SAP30BP: variants seen among roughly 807,000 people sequenced by gnomAD.
SAP30BP encodes the protein SAP30-binding protein.
Under a neutral mutation model 46.3 loss-of-function variants are expected in SAP30BP, and 31 were observed. That is an observed-to-expected ratio of 0.67 (90% CI 0.50 to 0.90). The LOEUF (loss-of-function observed/expected upper bound fraction) is 0.90. Among genes scored for constraint, SAP30BP ranks in the 40% least tolerant of loss-of-function variants. The pLI is 0.00. For synonymous variants in SAP30BP, 169 were observed against 144.2 expected (o/e 1.17, Z -1.23); for missense variants, 312 against 391.0 (o/e 0.80, Z 1.70).
chr17:75,684,211 C>T (rs752244071), intron 3 of SAP30BP, among the ~76,000 whole-genome samples: 4 of 152,164 alleles, frequency 2.6e-5, no homozygotes, highest in African/African-American at 4.8e-5. Flanking sequence ...TGTGTTTTAC[C>T]TCAGTTTACT....
At chr17:75,682,854 TCA>T (rs2060101791) in intron 3 of SAP30BP, among the ~76,000 whole-genome samples, 2 of 149,968 alleles carry the variant, frequency 1.3e-5, no homozygotes, top group African/African-American at 2.4e-5. Flanking sequence ...TCCCAGCTAC[TCA>T]GGAGGCTGAG....
intron 4 of SAP30BP, among the ~76,000 whole-genome samples, chr17:75,695,766 C>G (rs180774511): frequency 6.6e-6 from 1 of 152,146 alleles, no homozygotes; most frequent in African/African-American, 2.4e-5. Flanking sequence ...AGAGAACAAG[C>G]AGGAGAGCAG....
At chr17:75,692,546 A>G in intron 3 of SAP30BP, 1 of 980,936 alleles carries the variant, frequency 1.0e-6, no homozygotes, top group Non-Finnish European at 1.2e-6. Context: ...TTGCCATTTT[A>G]CACTTGAGAC....
intron 3 of SAP30BP, among the ~76,000 whole-genome samples, chr17:75,672,762 G>T (rs1287989013): frequency 6.6e-6 from 1 of 152,068 alleles, no homozygotes; most frequent in Admixed American, 6.6e-5. Context: ...TTCAAGACCA[G>T]CCTGGCCAGT....
chr17:75,667,540 C>T (rs2059810684), intron 1 of SAP30BP, 62 bp downstream of exon 1: 27 of 1,484,776 alleles, frequency 1.8e-5, no homozygotes, highest in Middle Eastern at 1.7e-4. Flanking sequence ...GCTGTACCCT[C>T]GCTGGGCGGG....
chr17:75,702,449 ACC>A, intron 5 of SAP30BP, 29 bp from the exon 6 acceptor site: 1 of 1,033,560 alleles, frequency 9.7e-7, no homozygotes, highest in Non-Finnish European at 1.5e-6. Context: ...TCTGTCATAC[ACC>A]CCCCCACCCC....
Position 75,706,000 on chromosome 17 carries a change from C to A in SAP30BP, c.661-8C>A. The A allele has an allele frequency of 6.2e-7, 1 of 1,612,874 alleles. No homozygotes were observed. The highest frequency in any genetic ancestry group is 8.5e-7 in the Non-Finnish European group (1 of 1,179,966). ...CCTGGTCTTATTCTCTTCCCTCTCC[C>A]TCTCCAGATTGAGTTTGTGACGGGC... is the stretch of plus-strand genomic sequence containing the variant. On this transcript the variant is annotated splice_region_variant and splice_polypyrimidine_tract_variant and intron_variant, in intron 9 of 10. Coordinates refer to ENST00000584667, the MANE Select transcript of SAP30BP (RefSeq NM_013260.8).
chr17:75,700,875 G>A (rs1196229845), intron 5 of SAP30BP, among the ~76,000 whole-genome samples: 1 of 152,234 alleles, frequency 6.6e-6, no homozygotes, highest in Non-Finnish European at 1.5e-5. Context: ...CCTCCTGATG[G>A]TGGAAACCAT....
intron 3 of SAP30BP, among the ~76,000 whole-genome samples, chr17:75,685,739 A>G (rs1156487153): frequency 6.6e-6 from 1 of 151,984 alleles, no homozygotes; most frequent in Non-Finnish European, 1.5e-5. Context: ...AAGCACAGAG[A>G]TACTGTTCTT....
intron 3 of SAP30BP, among the ~76,000 whole-genome samples, chr17:75,673,630 C>T (rs958969167): frequency 6.6e-6 from 1 of 152,126 alleles, no homozygotes; most frequent in African/African-American, 2.4e-5. Flanking sequence ...ACGGTCACCC[C>T]TTCTAAAATA....
At chr17:75,689,258 A>G (rs2060208028) in intron 3 of SAP30BP, among the ~76,000 whole-genome samples, 1 of 150,708 alleles carries the variant, frequency 6.6e-6, no homozygotes, top group Non-Finnish European at 1.5e-5. Flanking sequence ...CTGGGATTAC[A>G]GGCATGCACC....
chr17:75,678,492 A>ACG (rs2001804026), intron 3 of SAP30BP, among the ~76,000 whole-genome samples: 1 of 151,630 alleles, frequency 6.6e-6, no homozygotes, highest in Non-Finnish European at 1.5e-5. Flanking sequence ...ACACACACAC[A>ACG]CAATTGGAGG....
In SAP30BP at chr17:75,706,256, A is replaced by G; in HGVS notation, c.746-84A>G. ...TGGGCCACTTCGGGGTCTGCTCCCTAGACTCCCGCTGGCCTGCAGGGGGAA... is the reference window on the plus strand; with the variant it reads ...TGGGCCACTTCGGGGTCTGCTCCCTGGACTCCCGCTGGCCTGCAGGGGGAA... On this transcript the variant is annotated intron_variant, in intron 10 of 10. Transcript: ENST00000584667. The surrounding 1 kb of genome is among the most constrained non-coding windows in gnomAD (Gnocchi z 4.6). 6.4e-7 allele frequency: 1 copy of G among 1,550,844 alleles called. No homozygotes were observed.
intron 4 of SAP30BP, among the ~76,000 whole-genome samples, chr17:75,698,393 G>C (rs964347729): frequency 6.6e-6 from 1 of 152,250 alleles, no homozygotes; most frequent in African/African-American, 2.4e-5. Flanking sequence ...CCAAAACTTA[G>C]GGAACCCTGA....
intron 5 of SAP30BP, 65 bp from the exon 6 acceptor site, chr17:75,702,415 G>T: frequency 1.5e-6 from 1 of 675,518 alleles, no homozygotes; most frequent in South Asian, 1.8e-5. Context: ...GTGACCAGGG[G>T]CTGGGACGGT....
chr17:75,706,405 A>G lies in SAP30BP; in HGVS notation c.811A>G (p.Ile271Val). The G allele has an allele frequency of 6.2e-7, 1 of 1,614,112 alleles. No homozygotes were observed. Among genetic ancestry groups the G allele is most frequent in the Non-Finnish European group, 8.5e-7 (1 of 1,180,012 alleles). ...IPVTTIAQPT[I>V]LTTTATLPAV... ...AGTGACAACGATAGCCCAGCCCACC[A>G]TCCTCACCACCACAGCCACCCTGCC... Residue 271 changes from isoleucine to valine, a missense_variant, in exon 11 of 11, where the codon ATC becomes GTC. Transcript: ENST00000584667. This position sits in a 1 kb window ranked among gnomAD's most constrained non-coding sequence, Gnocchi z 4.6.
intron 3 of SAP30BP, chr17:75,692,281 G>A (rs756796963): frequency 4.1e-5 from 40 of 985,488 alleles, no homozygotes; most frequent in Middle Eastern, 5.2e-4. Context: ...GAGCCGTGGC[G>A]TGGTGTGCCA....
rs2060380500 is a variant in SAP30BP, at chr17:75,699,846, CT to C, written c.372del (p.Gly125AlafsTer19). ...GAAATCAAGATCCCGCCAGAACCCC[CT>C]GGCAGATGTTCAAATCACTTGCAAG... is the stretch of plus-strand genomic sequence containing the variant. ...PDEIKIPPEP[P>X]GRCSNHLQDK... On this transcript the variant is annotated frameshift_variant, in exon 5 of 11. Coordinates refer to ENST00000584667, the MANE Select transcript of SAP30BP (RefSeq NM_013260.8). LOFTEE classifies it high-confidence loss of function. 2 of 1,613,154 alleles carry C rather than the reference CT, an allele frequency of 1.2e-6. No individual in the cohort carries two copies. Among genetic ancestry groups the C allele is most frequent in the South Asian group, 1.1e-5 (1 of 91,028 alleles).
intron 4 of SAP30BP, among the ~76,000 whole-genome samples, 192 bp downstream of exon 4, chr17:75,693,674 G>A (rs1011697586): frequency 6.6e-6 from 1 of 152,166 alleles, no homozygotes; most frequent in Non-Finnish European, 1.5e-5. Context: ...GTTCTTCTTT[G>A]GAAATCATAT....
Sources: allele counts gnomAD v4.1 joint callset (sites outside exome capture counted in the v4.1 genomes callset), GRCh38; gene constraint gnomAD v4.1.1; non-coding constraint Gnocchi (gnomAD v3.1); transcripts MANE v1.5; gene names NCBI Gene and HGNC (gene_info 2026-07-23, HGNC 2026-07-21).